The following KIAA0513 variants were observed in gnomAD, a reference collection of about 807,000 sequenced individuals.
KIAA0513 encodes uncharacterized protein KIAA0513.
Under a neutral mutation model 56.5 loss-of-function variants are expected in KIAA0513, and 39 were observed. The ratio of observed to expected loss-of-function variants is 0.69; its 90% confidence interval spans 0.53 to 0.90. The LOEUF is 0.90. KIAA0513 is among the 40% of genes least tolerant of loss of function. The pLI is 0.00. For missense variants in KIAA0513, 591 were observed against 535.2 expected, an observed-to-expected ratio of 1.10 and a Z score of -1.03; for synonymous variants, 268 against 215.6, an observed-to-expected ratio of 1.24 and a Z score of -2.13.
chr16:85,080,329 G>C (rs1370815347), intron 8 of KIAA0513, among the ~76,000 whole-genome samples: 1 of 152,216 alleles, frequency 6.6e-6, no homozygotes, highest in African/African-American at 2.4e-5. Context: ...TTGCGGGCCA[G>C]ATGGTCTCTG....
chr16:85,082,139 T>TG (rs1054933457), intron 9 of KIAA0513, among the ~76,000 whole-genome samples: 2 of 152,170 alleles, frequency 1.3e-5, no homozygotes, highest in African/African-American at 4.8e-5. Flanking sequence ...TGGCTGCTGT[T>TG]GGGGGGAAGA....
intron 1 of KIAA0513, among the ~76,000 whole-genome samples, chr16:85,054,163 T>C (rs1018516901): frequency 9.9e-5 from 15 of 151,948 alleles, no homozygotes; most frequent in African/African-American, 3.6e-4. Flanking sequence ...GTCTCAAAAA[T>C]AAGATTAAAC....
intron 1 of KIAA0513, among the ~76,000 whole-genome samples, chr16:85,032,100 C>T (rs751920397): frequency 2.6e-5 from 4 of 152,176 alleles, no homozygotes; most frequent in Non-Finnish European, 4.4e-5. Flanking sequence ...GGGCTGGTTC[C>T]TTCTTGGGGA....
In KIAA0513 at chr16:85,076,432, A is replaced by G. The variant is rs1044677082; in HGVS notation, c.574+518A>G. Among the ~76,000 whole-genome samples, 1 of 152,044 alleles carries G rather than the reference A, an allele frequency of 6.6e-6. No homozygotes were observed. Among genetic ancestry groups the G allele is most frequent in the African/African-American group, 2.4e-5 (1 of 41,396 alleles). ...ATCTCTTCCGCCTCATTGCGTTGGC[A>G]CTTTCTCGTATGTTGGAGCTCAAGG... On this transcript the variant is annotated intron_variant, in intron 5 of 12. Transcript: ENST00000683363. The surrounding 1 kb of genome is among the most constrained non-coding windows in gnomAD (Gnocchi z 4.7).
At chr16:85,047,436 C>T (rs1288317097) in intron 1 of KIAA0513, among the ~76,000 whole-genome samples, 1 of 152,238 alleles carries the variant, frequency 6.6e-6, no homozygotes, top group African/African-American at 2.4e-5. Context: ...CTTCAGTTAT[C>T]AGCTCTGCCA....
chr16:85,059,937 T>A (rs918106926), intron 1 of KIAA0513, among the ~76,000 whole-genome samples: 3 of 152,138 alleles, frequency 2.0e-5, no homozygotes, highest in Non-Finnish European at 4.4e-5. Flanking sequence ...TTCAAATGAT[T>A]TCCCAGTTTG....
At chr16:85,083,138 C>T (rs1186764338) in intron 10 of KIAA0513, among the ~76,000 whole-genome samples, 4 of 152,214 alleles carry the variant, frequency 2.6e-5, no homozygotes, top group Non-Finnish European at 5.9e-5. Flanking sequence ...AAGAAGGACA[C>T]ACTCCCACTT....
At chr16:85,028,734 A>G (rs958421775) in intron 1 of KIAA0513, among the ~76,000 whole-genome samples, 1 of 151,834 alleles carries the variant, frequency 6.6e-6, no homozygotes, top group Non-Finnish European at 1.5e-5. Context: ...GCCAGGTCCT[A>G]TTCCTCTCTA....
At chr16:85,073,948 G>GTTTT (rs3030092) in intron 4 of KIAA0513, among the ~76,000 whole-genome samples, 1 of 151,330 alleles carries the variant, frequency 6.6e-6, no homozygotes, top group South Asian at 2.1e-4. Context: ...CTCTTGTGTC[G>GTTTT]TTTTTTTTGT....
At chr16:85,087,336 A>T (rs960673200) in intron 12 of KIAA0513, among the ~76,000 whole-genome samples, 170 bp downstream of exon 12, 1 of 152,220 alleles carries the variant, frequency 6.6e-6, no homozygotes, top group Non-Finnish European at 1.5e-5. Flanking sequence ...CTGTATAGAC[A>T]GACGCACAGG....
chr16:85,047,932 T>A (rs967628555), intron 1 of KIAA0513, among the ~76,000 whole-genome samples: 2 of 152,188 alleles, frequency 1.3e-5, no homozygotes, highest in African/African-American at 4.8e-5. Flanking sequence ...GTAGCTCCTT[T>A]GTGTGCCTGT....
chr16:85,036,981 C>G (rs1427243269), intron 1 of KIAA0513, among the ~76,000 whole-genome samples: 5 of 151,994 alleles, frequency 3.3e-5, no homozygotes, highest in Admixed American at 3.3e-4. Context: ...TCTCCTGCCT[C>G]TAAATATCAG....
intron 1 of KIAA0513, among the ~76,000 whole-genome samples, chr16:85,038,435 A>C (rs983260148): frequency 5.3e-5 from 8 of 152,162 alleles, no homozygotes; most frequent in African/African-American, 1.9e-4. Context: ...GGCCGGGTGC[A>C]GTGGCTCATG....
chr16:85,067,501 GACCA>G, intron 2 of KIAA0513, 101 bp downstream of exon 2: 1 of 925,396 alleles, frequency 1.1e-6, no homozygotes, highest in Non-Finnish European at 1.6e-6. Context: ...TGCCACCTGG[GACCA>G]GAGCTTCCAT....
At chr16:85,043,414 T>C (rs1030555042) in intron 1 of KIAA0513, among the ~76,000 whole-genome samples, 5 of 142,824 alleles carry the variant, frequency 3.5e-5, no homozygotes, top group Non-Finnish European at 6.1e-5. Context: ...TTTTTTTTTT[T>C]TTTTTTTTTT....
chr16:85,066,832 G>A, intron 1 of KIAA0513, 68 bp from the exon 2 acceptor site: 1 of 441,068 alleles, frequency 2.3e-6, no homozygotes, highest in Non-Finnish European at 4.0e-6. Context: ...TTTCTGGGGA[G>A]TCTGTGATCT....
intron 8 of KIAA0513, 143 bp downstream of exon 8, chr16:85,079,146 C>T: frequency 6.7e-7 from 1 of 1,482,618 alleles, no homozygotes; most frequent in Non-Finnish European, 9.0e-7. Flanking sequence ...AAAAGATGAA[C>T]ACTCACAGGC....
At chr16:85,067,703 A>C (rs924871453) in intron 2 of KIAA0513, among the ~76,000 whole-genome samples, 3 of 152,194 alleles carry the variant, frequency 2.0e-5, no homozygotes, top group Non-Finnish European at 4.4e-5. Context: ...AAGGGCAACC[A>C]TGCAGAGAAT....
At chr16:85,049,847 C>G (rs1597603640) in intron 1 of KIAA0513, among the ~76,000 whole-genome samples, 1 of 152,182 alleles carries the variant, frequency 6.6e-6, no homozygotes, top group South Asian at 2.1e-4. Flanking sequence ...AGTCCTGCAT[C>G]TCTTAGGGAG....
Sources: gnomAD v4.1 joint callset for allele counts (sites outside exome capture counted in the v4.1 genomes callset) on GRCh38, gnomAD v4.1.1 for gene constraint, Gnocchi (gnomAD v3.1) non-coding constraint, MANE v1.5 for transcripts, NCBI Gene and HGNC (gene_info 2026-07-23, HGNC 2026-07-21) for gene names.